PTPRR: variants seen among roughly 807,000 people sequenced by gnomAD.
PTPRR encodes receptor-type tyrosine-protein phosphatase R.
PTPRR carries 38 observed loss-of-function variants against 77.2 expected under a neutral mutation model. The ratio of observed to expected loss-of-function variants is 0.49; its 90% CI spans 0.38 to 0.65. The LOEUF (loss-of-function observed/expected upper bound fraction) is 0.65. Ranked by LOEUF, PTPRR falls within the 30% of genes least tolerant of loss-of-function variation. The pLI, the probability that PTPRR is intolerant of heterozygous loss-of-function variation, is 0.00. For synonymous variants in PTPRR, 299 were observed against 283.1 expected, an observed-to-expected ratio of 1.06 and a Z score of -0.57; for missense variants, 744 against 799.2, an observed-to-expected ratio of 0.93 and a Z score of 0.83.
intron 5 of PTPRR, among the ~76,000 whole-genome samples, chr12:70,747,119 A>G (rs1002507627): frequency 6.6e-6 from 1 of 152,202 alleles, no homozygotes; most frequent in Non-Finnish European, 1.5e-5. Flanking sequence ...TAGGATGGAA[A>G]AGACTGAAGA....
chr12:70,826,388 C>A (rs1017749562), intron 2 of PTPRR, among the ~76,000 whole-genome samples: 1 of 152,166 alleles, frequency 6.6e-6, no homozygotes, highest in African/African-American at 2.4e-5. Context: ...AGAGATGGGG[C>A]TCATGCTGAG....
rs1890690033 is a variant in PTPRR at position 70,761,507 on chromosome 12, A to G, written c.591T>C (p.Ser197=). ...CTTCTGTAATTCCAAACTGGGATAA[A>G]CTTTGATGCAAAACATTGATATTAA... ...RSLNINVLHQ[S]LSQFGITEVS... The change falls in exon 4 of 14, where the codon AGT becomes AGC. Residue 197 remains serine, a synonymous_variant. Transcript: ENST00000283228. The G allele has an allele frequency of 6.2e-7, 1 of 1,609,930 alleles. No homozygotes were observed. Among genetic ancestry groups the G allele is most frequent in the African/African-American group, 1.3e-5 (1 of 74,886 alleles).
chr12:70,692,799 T>C (rs542570803), intron 8 of PTPRR, among the ~76,000 whole-genome samples: 1 of 152,292 alleles, frequency 6.6e-6, no homozygotes, highest in Non-Finnish European at 1.5e-5. Flanking sequence ...CTTCTTTGCT[T>C]GGGTCCCCTG....
intron 2 of PTPRR, among the ~76,000 whole-genome samples, chr12:70,805,422 G>A (rs1381614679): frequency 6.6e-6 from 1 of 152,038 alleles, no homozygotes; most frequent in African/African-American, 2.4e-5. Flanking sequence ...CTGAAGCCTG[G>A]AGTCAGCTAT....
At chr12:70,874,581 AT>A (rs1173767244) in intron 2 of PTPRR, among the ~76,000 whole-genome samples, 8 of 152,300 alleles carry the variant, frequency 5.3e-5, no homozygotes, top group African/African-American at 1.9e-4. Context: ...GGAAATGCAA[AT>A]TGTCATTATC....
At chr12:70,665,372 T>G (rs1886951989) in intron 10 of PTPRR, among the ~76,000 whole-genome samples, 1 of 74,844 alleles carries the variant, frequency 1.3e-5, no homozygotes, top group South Asian at 4.8e-4. Flanking sequence ...TTCTTTTTTT[T>G]TTTTTTTTTT....
At chr12:70,677,104 T>C (rs950331900) in intron 10 of PTPRR, among the ~76,000 whole-genome samples, 1 of 152,146 alleles carries the variant, frequency 6.6e-6, no homozygotes, top group African/African-American at 2.4e-5. Context: ...ATCAATGATT[T>C]ATAGTTTTCA....
Position 70,902,408 on chromosome 12 carries a change from C to A in PTPRR, c.59-9431G>T, listed in dbSNP as rs139893255. On this transcript the variant is annotated intron_variant, in intron 1 of 13. Transcript: ENST00000283228. ...AATTCGCAATTGCAAAATCGTGGAA[C>A]CAACCCAAATGCCCGTCAATCAACG... Among the ~76,000 whole-genome samples, 450 of 151,864 alleles carry A rather than the reference C, an allele frequency of 3.0e-3. 2 individuals are homozygous for A. The highest frequency in any genetic ancestry group is 0.01 in the African/African-American group (420 of 41,478).
intron 10 of PTPRR, among the ~76,000 whole-genome samples, chr12:70,670,254 A>G (rs1398871358): frequency 6.6e-6 from 1 of 152,232 alleles, no homozygotes; most frequent in African/African-American, 2.4e-5. Flanking sequence ...AGATAGGTTC[A>G]GGGTCTTATT....
Position 70,796,124 on chromosome 12 carries a change from A to G in PTPRR, c.358-31346T>C, listed in dbSNP as rs147333582. 6.6e-3 allele frequency among the ~76,000 whole-genome samples: 1,001 copies of G among 151,738 alleles called. 9 individuals are homozygous for G. The highest frequency in any genetic ancestry group is 0.023 in the African/African-American group (957 of 41,370). Reference sequence around the variant, plus strand: ...TTTTTAGTAGAGACGGGGTTTCACTATGTTGGGCAGGCTGGTCTTGAACTC... The same window carrying G: ...TTTTTAGTAGAGACGGGGTTTCACTGTGTTGGGCAGGCTGGTCTTGAACTC... On this transcript the variant is annotated intron_variant, in intron 2 of 13. Coordinates refer to ENST00000283228, the MANE Select transcript of PTPRR (RefSeq NM_002849.4).
Position 70,868,113 on chromosome 12 carries a change from C to G in PTPRR, c.357+24566G>C, listed in dbSNP as rs562788574. 2.6e-5 allele frequency among the ~76,000 whole-genome samples: 4 copies of G among 152,106 alleles called. No homozygotes were observed. In the East Asian group the frequency reaches 5.8e-4, roughly 22 times the overall value. ...ACGAAAACCTAGGCAATACCATTCA[C>G]GACATAGGCATGAGCAAGGACTTCA... On this transcript the variant is annotated intron_variant, in intron 2 of 13. Coordinates refer to ENST00000283228, the MANE Select transcript of PTPRR (RefSeq NM_002849.4).
chr12:70,859,674 T>A (rs571715497), intron 2 of PTPRR, among the ~76,000 whole-genome samples: 2 of 152,154 alleles, frequency 1.3e-5, no homozygotes, highest in South Asian at 4.1e-4. Flanking sequence ...CTTTGTGATG[T>A]CTTTTACTGT....
intron 8 of PTPRR, among the ~76,000 whole-genome samples, chr12:70,695,900 T>A (rs1397486427): frequency 6.6e-6 from 1 of 152,192 alleles, no homozygotes; most frequent in Non-Finnish European, 1.5e-5. Context: ...AGTTTAACAA[T>A]GTATTTCCAA....
intron 4 of PTPRR, chr12:70,754,892 C>A: frequency 1.7e-6 from 1 of 581,616 alleles, no homozygotes; most frequent in South Asian, 2.5e-5. Context: ...GTTAGAATAT[C>A]ACATATTTTT....
intron 6 of PTPRR, among the ~76,000 whole-genome samples, chr12:70,739,116 T>A (rs1889965624): frequency 2.0e-5 from 3 of 152,198 alleles, no homozygotes. Context: ...GTTAAAAATA[T>A]AATGTTATAT....
chr12:70,741,800 G>A (rs914803690), intron 6 of PTPRR, among the ~76,000 whole-genome samples: 6 of 152,160 alleles, frequency 3.9e-5, no homozygotes, highest in African/African-American at 1.2e-4. Flanking sequence ...ATCCTTCACC[G>A]CTGAGCCCTG....
intron 13 of PTPRR, among the ~76,000 whole-genome samples, chr12:70,643,609 C>G (rs1245943373): frequency 6.6e-6 from 1 of 152,098 alleles, no homozygotes; most frequent in African/African-American, 2.4e-5. Context: ...CAAGAGAGCT[C>G]TATAGTTATT....
intron 2 of PTPRR, among the ~76,000 whole-genome samples, chr12:70,887,323 G>T (rs534128219): frequency 6.6e-6 from 1 of 151,966 alleles, no homozygotes; most frequent in Admixed American, 6.6e-5. Flanking sequence ...GTGGTGGTCC[G>T]TGCCTATCGT....
chr12:70,861,415 T>TA (rs1892750846), intron 2 of PTPRR, among the ~76,000 whole-genome samples: 1 of 152,176 alleles, frequency 6.6e-6, no homozygotes, highest in African/African-American at 2.4e-5. Context: ...ACGCTTTTGT[T>TA]ATGGTGGCTG....
Sources: gnomAD v4.1 joint callset for allele counts (sites outside exome capture counted in the v4.1 genomes callset) on GRCh38, gnomAD v4.1.1 for gene constraint, MANE v1.5 for transcripts, NCBI Gene and HGNC (gene_info 2026-07-23, HGNC 2026-07-21) for gene names.